Variants in DOCK4 observed in about 807,000 individuals in gnomAD.
DOCK4 encodes the protein dedicator of cytokinesis protein 4.
A neutral mutation model predicts 268.1 loss-of-function variants in DOCK4; 97 were observed. That is an observed-to-expected ratio of 0.36 (90% CI 0.31 to 0.43). The LOEUF (loss-of-function observed/expected upper bound fraction) is 0.43, where lower values mean the gene tolerates loss of function less well. Ranked by LOEUF, DOCK4 falls within the 20% of genes least tolerant of loss-of-function variation. The probability of loss-of-function intolerance (pLI) is 1.00; values close to 1 mark genes in which losing one functional copy is unlikely to be tolerated. For synonymous variants in DOCK4, 954 were observed against 887.2 expected, an observed-to-expected ratio of 1.08 and a Z score of -1.34; for missense variants, 2,145 against 2,455.7, an observed-to-expected ratio of 0.87 and a Z score of 2.67.
intron 1 of DOCK4, among the ~76,000 whole-genome samples, chr7:112,198,172 C>G (rs930257191): frequency 1.3e-5 from 2 of 151,838 alleles, no homozygotes; most frequent in Admixed American, 6.6e-5. Context: ...TGAGGGGGAG[C>G]CTTCATGATG....
chr7:112,013,769 T>A (rs180749830), intron 1 of DOCK4, among the ~76,000 whole-genome samples: 2 of 152,266 alleles, frequency 1.3e-5, no homozygotes, highest in East Asian at 3.9e-4. Flanking sequence ...AGGCCTGACA[T>A]CCTCAAGGAA....
chr7:111,739,852 A>T, intron 47 of DOCK4: 1 of 316,594 alleles, frequency 3.2e-6, no homozygotes, highest in Non-Finnish European at 6.2e-6. Context: ...TGTTCAAAGC[A>T]TGAATTTGGA....
chr7:111,783,133 G>A (rs1335500071), intron 34 of DOCK4, among the ~76,000 whole-genome samples: 4 of 152,144 alleles, frequency 2.6e-5, no homozygotes, highest in African/African-American at 9.7e-5. Context: ...GGGAATCTGG[G>A]GAGTCAGAGA....
At chr7:112,136,355 T>G (rs1814344795) in intron 1 of DOCK4, among the ~76,000 whole-genome samples, 1 of 152,182 alleles carries the variant, frequency 6.6e-6, no homozygotes, top group Non-Finnish European at 1.5e-5. Flanking sequence ...CAGCCTAACA[T>G]CATGCCAGAA....
At chr7:111,772,935 A>AGCCTGGG (rs1008986464) in intron 36 of DOCK4, among the ~76,000 whole-genome samples, 1 of 152,178 alleles carries the variant, frequency 6.6e-6, no homozygotes, top group Non-Finnish European at 1.5e-5. Context: ...CCCCTGGGAA[A>AGCCTGGG]GCCTGGGAAA....
chr7:112,157,833 A>C (rs979516844), intron 1 of DOCK4, among the ~76,000 whole-genome samples: 12 of 152,194 alleles, frequency 7.9e-5, no homozygotes, highest in Admixed American at 5.9e-4. Flanking sequence ...CTTGCAAGCC[A>C]TCCTAAAGGA....
At chr7:111,927,210 C>T (rs1377121549) in intron 12 of DOCK4, among the ~76,000 whole-genome samples, 1 of 152,134 alleles carries the variant, frequency 6.6e-6, no homozygotes, top group Non-Finnish European at 1.5e-5. Flanking sequence ...GTATGATAAG[C>T]GTGAACAAAT....
chr7:111,840,048 C>T (rs1803557195), intron 25 of DOCK4, among the ~76,000 whole-genome samples: 1 of 152,120 alleles, frequency 6.6e-6, no homozygotes, highest in African/African-American at 2.4e-5. Flanking sequence ...TACTTAGCTG[C>T]AGTGTGAAAC....
At chr7:112,138,567 G>A (rs999899044) in intron 1 of DOCK4, among the ~76,000 whole-genome samples, 1 of 152,136 alleles carries the variant, frequency 6.6e-6, no homozygotes, top group Non-Finnish European at 1.5e-5. Context: ...ATAGCATACA[G>A]GAAGAAGGCA....
At chr7:111,795,397 A>C (rs1291915241) in intron 30 of DOCK4, among the ~76,000 whole-genome samples, 1 of 152,186 alleles carries the variant, frequency 6.6e-6, no homozygotes, top group Non-Finnish European at 1.5e-5. Flanking sequence ...TGTGGCTCTG[A>C]GCGACATTCT....
At chr7:111,783,982 A>C (rs1202394987) in intron 33 of DOCK4, 30 bp from the exon 34 acceptor site, 6 of 1,576,780 alleles carry the variant, frequency 3.8e-6, no homozygotes, top group African/African-American at 2.7e-5. Context: ...GGGCATTTTC[A>C]ACATTTATTT....
intron 1 of DOCK4, among the ~76,000 whole-genome samples, chr7:112,109,445 A>T (rs1811431017): frequency 6.6e-6 from 1 of 152,202 alleles, no homozygotes; most frequent in South Asian, 2.1e-4. Context: ...TAGAAAAAGC[A>T]GGACTGTTCT....
chr7:112,189,220 G>A (rs1819712195), intron 1 of DOCK4, among the ~76,000 whole-genome samples: 1 of 152,028 alleles, frequency 6.6e-6, no homozygotes, highest in African/African-American at 2.4e-5. Flanking sequence ...TTGCATATTT[G>A]GTAGGAGTTT....
chr7:112,091,703 A>T (rs934423915), intron 1 of DOCK4, among the ~76,000 whole-genome samples: 4 of 152,150 alleles, frequency 2.6e-5, no homozygotes, highest in Non-Finnish European at 4.4e-5. Context: ...GGTATTTCTC[A>T]GATTTTTCCT....
At chr7:111,779,164 TA>T (rs1446352578) in intron 35 of DOCK4, among the ~76,000 whole-genome samples, 1 of 151,698 alleles carries the variant, frequency 6.6e-6, no homozygotes, top group Non-Finnish European at 1.5e-5. Flanking sequence ...AGAGGGTAAA[TA>T]AAAAGGCTCT....
chr7:111,790,732 A>G (rs1190294057), intron 30 of DOCK4, 127 bp from the exon 31 acceptor site: 93 of 1,139,080 alleles, frequency 8.2e-5, no homozygotes, highest in East Asian at 2.7e-5. Context: ...TCCTCAAGCA[A>G]GAAAATATAA....
intron 31 of DOCK4, chr7:111,789,075 T>C (rs1377348760): frequency 3.0e-6 from 1 of 332,776 alleles, no homozygotes; most frequent in Non-Finnish European, 5.7e-6. Flanking sequence ...GTCCTGTTTC[T>C]TTTTTCTTTT....
rs1006984555 is a variant in DOCK4 at position 111,863,366 on chromosome 7, C to G, written c.2473+6G>C. The G allele has an allele frequency of 1.2e-6, 2 of 1,613,990 alleles. No individual in the cohort carries two copies. Among genetic ancestry groups the G allele is most frequent in the Admixed American group, 3.3e-5 (2 of 60,028 alleles). On this transcript the variant is annotated splice_donor_region_variant and intron_variant, in intron 23 of 52. Coordinates refer to ENST00000428084, the MANE Select transcript of DOCK4 (RefSeq NM_001363540.2). ...GGCACAATTTCCTCCAAGAGACTCACCCTACCTGGGTTGGTATAAAGCTGG... is the reference window on the plus strand; with the variant it reads ...GGCACAATTTCCTCCAAGAGACTCAGCCTACCTGGGTTGGTATAAAGCTGG...
chr7:112,133,548 A>G lies in DOCK4; in HGVS notation c.37+72554T>C, dbSNP rs181848835. ...GGAGTTTGAGACTAGCCTGGGGGAC[A>G]TGGTGACACCCGTCTCTCCTAAAAT... On this transcript the variant is annotated intron_variant, in intron 1 of 52. Coordinates refer to ENST00000428084, the MANE Select transcript of DOCK4 (RefSeq NM_001363540.2). 1.2e-3 allele frequency among the ~76,000 whole-genome samples: 175 copies of G among 152,140 alleles called. 1 individual carries two copies. The highest frequency in any genetic ancestry group is 4.2e-3 in the African/African-American group (173 of 41,516).
Sources: gnomAD v4.1 joint callset for allele counts (sites outside exome capture counted in the v4.1 genomes callset) on GRCh38, gnomAD v4.1.1 for gene constraint, MANE v1.5 for transcripts, NCBI Gene and HGNC (gene_info 2026-07-23, HGNC 2026-07-21) for gene names.